ZUP1: variants seen among roughly 807,000 people sequenced by gnomAD.
ZUP1 encodes the protein zinc finger containing ubiquitin peptidase 1.
A neutral mutation model predicts 68.1 loss-of-function variants in ZUP1; 55 were observed. The ratio of observed to expected loss-of-function variants is 0.81; its 90% CI spans 0.65 to 1.01. The LOEUF (loss-of-function observed/expected upper bound fraction) is 1.01, where lower values mean the gene tolerates loss of function less well. ZUP1 is among the 50% of genes least tolerant of loss of function. The probability of loss-of-function intolerance (pLI) is 0.00; values close to 1 mark genes in which losing one functional copy is unlikely to be tolerated. For missense variants in ZUP1, 684 were observed against 674.9 expected (o/e 1.01, Z -0.15); for synonymous variants, 223 against 221.5 (o/e 1.01, Z -0.06).
intron 4 of ZUP1, 43 bp from the exon 5 acceptor site, chr6:116,656,895 T>A: frequency 1.5e-6 from 2 of 1,338,044 alleles, no homozygotes; most frequent in Non-Finnish European, 2.1e-6. Context: ...TACATCCCTG[T>A]AACTCTATGA....
chr6:116,665,702 C>T (rs1776982567), intron 2 of ZUP1, among the ~76,000 whole-genome samples: 1 of 150,628 alleles, frequency 6.6e-6, no homozygotes, highest in Admixed American at 6.6e-5. Flanking sequence ...ATTTCAGCCT[C>T]CCAAATAGCT....
intron 3 of ZUP1, chr6:116,660,519 T>TAG: frequency 2.3e-6 from 1 of 436,482 alleles, no homozygotes; most frequent in Non-Finnish European, 4.0e-6. Context: ...TTATGTGCCA[T>TAG]ATGGCAGTTT....
chr6:116,651,537 G>T (rs771572709), intron 7 of ZUP1, 35 bp downstream of exon 7: 15 of 1,508,296 alleles, frequency 9.9e-6, no homozygotes, highest in Non-Finnish European at 1.2e-5. Flanking sequence ...TCCCCGATAA[G>T]GAAATAACAT....
At chr6:116,663,550 G>GT (rs1477905654) in intron 2 of ZUP1, among the ~76,000 whole-genome samples, 1 of 151,818 alleles carries the variant, frequency 6.6e-6, no homozygotes, top group Non-Finnish European at 1.5e-5. Context: ...CAATACACTT[G>GT]TTTTTTTTCC....
rs759831188 is a variant in ZUP1, at chr6:116,666,945, C to T, written c.248G>A (p.Cys83Tyr). Residue 83 changes from cysteine (C) to tyrosine (Y), a missense_variant, in exon 2 of 10, where the codon TGT (cysteine) becomes TAT (tyrosine). Physicochemically the swap from Cys to Tyr is radical, Grantham distance 194. Transcript: ENST00000368576. ...AATACTTGAATTAACTTCCATTCCACACTGTAGGGTGTTGTCTTTCTTGTT... is the reference window on the plus strand; with the variant it reads ...AATACTTGAATTAACTTCCATTCCATACTGTAGGGTGTTGTCTTTCTTGTT... ...SDNKKDNTLQ[C>Y]GMEVNSSILS... The T allele has an allele frequency of 9.9e-6, 16 of 1,613,378 alleles. No individual in the cohort carries two copies. The highest frequency in any genetic ancestry group is 1.6e-4 in the Middle Eastern group (1 of 6,080).
At chr6:116,641,556 C>T (rs1776101178) in intron 9 of ZUP1, among the ~76,000 whole-genome samples, 2 of 152,122 alleles carry the variant, frequency 1.3e-5, no homozygotes, top group African/African-American at 4.8e-5. Context: ...CACTCAACTA[C>T]ATGGAAACTG....
intron 9 of ZUP1, among the ~76,000 whole-genome samples, chr6:116,640,329 TAC>T (rs910216302): frequency 6.6e-6 from 1 of 151,972 alleles, no homozygotes; most frequent in Non-Finnish European, 1.5e-5. Context: ...ATTCAGGAAA[TAC>T]AGAGAATGCC....
chr6:116,643,226 T>C (rs888469507), intron 9 of ZUP1, among the ~76,000 whole-genome samples: 2 of 152,110 alleles, frequency 1.3e-5, no homozygotes, highest in African/African-American at 4.8e-5. Context: ...TGCTCATGGG[T>C]AGGAAGAATC....
At position 116,654,787 on chromosome 6, in the gene ZUP1, A is replaced by G. The variant is rs567980182; in HGVS notation, c.961+1897T>C. ...GAACAGGTAATTCGTTCAAGAGGAA[A>G]CTAACTCAGGAGTAATCCAGAAAAT... On this transcript the variant is annotated intron_variant, in intron 5 of 9. Coordinates refer to ENST00000368576, the MANE Select transcript of ZUP1 (RefSeq NM_145062.3). Among the ~76,000 whole-genome samples the G allele has an allele frequency of 7.9e-5, 12 of 152,224 alleles. 1 individual carries two copies. In the South Asian group the frequency reaches 1.2e-3, roughly 16 times the overall value.
At chr6:116,657,116 G>T (rs865953877) in intron 4 of ZUP1, among the ~76,000 whole-genome samples, 2 of 152,056 alleles carry the variant, frequency 1.3e-5, no homozygotes, top group Non-Finnish European at 2.9e-5. Context: ...GGAAAGCAGA[G>T]GATCCTGTCT....
intron 2 of ZUP1, among the ~76,000 whole-genome samples, chr6:116,664,926 A>C (rs547692623): frequency 5.9e-5 from 9 of 152,180 alleles, no homozygotes; most frequent in Non-Finnish European, 1.3e-4. Flanking sequence ...AAATTTTAAA[A>C]AGTGAAAATA....
intron 9 of ZUP1, among the ~76,000 whole-genome samples, chr6:116,638,269 T>G (rs1480636574): frequency 6.6e-6 from 1 of 152,160 alleles, no homozygotes; most frequent in African/African-American, 2.4e-5. Flanking sequence ...TTTTTTTTCT[T>G]AATTTAGGGC....
Position 116,658,813 on chromosome 6 carries a change from T to G in ZUP1, c.782A>C (p.Gln261Pro). ...TATTAATCTTTGTACCTGCAGCTTC[T>G]GAAATTCTTCTATTTCTTGTCTTGA... Reference protein sequence around the residue: ...EESRQEIEEFQKLQRQYGLDN... With the variant: ...EESRQEIEEFPKLQRQYGLDN... Residue 261 changes from glutamine to proline, a missense_variant, in exon 4 of 10, where the codon CAG (glutamine) becomes CCG (proline). Coordinates refer to ENST00000368576, the MANE Select transcript of ZUP1 (RefSeq NM_145062.3). 6.3e-7 allele frequency: 1 copy of G among 1,586,238 alleles called. No homozygotes were observed. The highest frequency in any genetic ancestry group is 8.6e-7 in the Non-Finnish European group (1 of 1,162,114).
At chr6:116,656,604 GCAAAATTAAAATGATTCTGATTATTACTT>G (rs1776670737) in intron 5 of ZUP1, 51 bp downstream of exon 5, 1 of 1,173,926 alleles carries the variant, frequency 8.5e-7, no homozygotes, top group Non-Finnish European at 1.2e-6. Flanking sequence ...TGAAAATTAA[GCAAAATTAAAATGATTCTGATTATTACTT>G]CAGTGGTATA....
Position 116,664,210 on chromosome 6 carries a change from C to A in ZUP1, c.559+2424G>T, listed in dbSNP as rs189635161. 1.5e-3 allele frequency among the ~76,000 whole-genome samples: 227 copies of A among 152,228 alleles called. 1 individual carries two copies. Among genetic ancestry groups the A allele is most frequent in the Middle Eastern group, 6.8e-3 (2 of 292 alleles). On this transcript the variant is annotated intron_variant, in intron 2 of 9. Transcript: ENST00000368576. ...TTTTGGGGGGCTGAGGTAGGTGGAT[C>A]ATCTGAGGTTAGGAGTTCCAGACCA... is the stretch of plus-strand genomic sequence containing the variant.
chr6:116,639,657 G>C (rs1014580639), intron 9 of ZUP1, among the ~76,000 whole-genome samples: 1 of 152,184 alleles, frequency 6.6e-6, no homozygotes, highest in Non-Finnish European at 1.5e-5. Context: ...CTAACAAACA[G>C]AAAGGACATC....
Position 116,666,898 on chromosome 6 carries a change from GATT to G in ZUP1, c.292_294del (p.Asn98del), listed in dbSNP as rs1282058920. 1 of 1,611,352 alleles carries G rather than the reference GATT, an allele frequency of 6.2e-7. No individual in the cohort carries two copies. The highest frequency in any genetic ancestry group is 8.5e-7 in the Non-Finnish European group (1 of 1,179,286). ...AGGTTTTGAGCTGAATTTTTTGGAT[GATT>G]AGATGCACAACCTGAAAGAATACTT... On this transcript the variant is annotated inframe_deletion, in exon 2 of 10. Transcript: ENST00000368576.
intron 2 of ZUP1, among the ~76,000 whole-genome samples, chr6:116,661,410 A>G (rs1484520083): frequency 1.3e-5 from 2 of 152,234 alleles, no homozygotes; most frequent in Admixed American, 1.3e-4. Flanking sequence ...GAGAAGCAGA[A>G]AGGAAAACCA....
chr6:116,665,816 C>T (rs1776990889), intron 2 of ZUP1, among the ~76,000 whole-genome samples: 1 of 148,328 alleles, frequency 6.7e-6, no homozygotes, highest in Non-Finnish European at 1.5e-5. Flanking sequence ...GTCTCGAACT[C>T]CTGGACTCAA....
Sources: allele counts gnomAD v4.1 joint callset (sites outside exome capture counted in the v4.1 genomes callset), GRCh38; gene constraint gnomAD v4.1.1; transcripts MANE v1.5; gene names NCBI Gene and HGNC (gene_info 2026-07-23, HGNC 2026-07-21).